DIS3L2: variants seen among roughly 807,000 people sequenced by gnomAD.
The protein encoded by DIS3L2 is DIS3 like 3'-5' exoribonuclease 2.
Under a neutral mutation model 97.5 loss-of-function variants are expected in DIS3L2, and 34 were observed. That is an observed-to-expected ratio of 0.35 (90% CI 0.27 to 0.46). The LOEUF is 0.46. Among genes scored for constraint, DIS3L2 ranks in the 20% least tolerant of loss-of-function variants. The pLI is 1.00. For missense variants in DIS3L2, 1,038 were observed against 1,146.0 expected (o/e 0.91, Z 1.36); for synonymous variants, 435 against 445.2 (o/e 0.98, Z 0.29).
chr2:232,077,383 G>C (rs1204821842), intron 5 of DIS3L2, among the ~76,000 whole-genome samples: 1 of 151,408 alleles, frequency 6.6e-6, no homozygotes, highest in African/African-American at 2.4e-5. Flanking sequence ...ACAAGTTTCT[G>C]TGTGTGTGTG....
rs1019948884 is a variant in DIS3L2 at position 231,989,725 on chromosome 2, A to G, written c.-93-25110A>G. Among the ~76,000 whole-genome samples the G allele has an allele frequency of 2.6e-5, 4 of 152,148 alleles. No homozygotes were observed. The South Asian group carries it at 8.3e-4, about 32-fold the overall frequency. ...GTGGTATACGCCTATAGTCCCAGCT[A>G]CTCGGGAGCTGAAGTGGGAGGATTA... On this transcript the variant is annotated intron_variant, in intron 1 of 20. Coordinates refer to ENST00000325385, the MANE Select transcript of DIS3L2 (RefSeq NM_152383.5).
At chr2:232,299,214 C>A (rs76585807) in intron 13 of DIS3L2, among the ~76,000 whole-genome samples, 5,039 of 152,342 alleles carry the variant, frequency 0.033, 131 homozygotes, top group African/African-American at 0.072. Context: ...TCCCAGCCCC[C>A]CTGGCCGCTC....
At chr2:232,307,017 C>T (rs916688282) in intron 14 of DIS3L2, among the ~76,000 whole-genome samples, 1 of 152,258 alleles carries the variant, frequency 6.6e-6, no homozygotes, top group African/African-American at 2.4e-5. Flanking sequence ...CTAGGTATTT[C>T]TCCTCTGGGA....
At chr2:232,143,966 C>T (rs937560608) in intron 8 of DIS3L2, among the ~76,000 whole-genome samples, 4 of 151,700 alleles carry the variant, frequency 2.6e-5, no homozygotes, top group Non-Finnish European at 4.4e-5. Flanking sequence ...TACAAAATAC[C>T]GTGTTATATA....
chr2:232,019,557 CTT>C (rs11301026), intron 3 of DIS3L2, among the ~76,000 whole-genome samples: 379 of 139,682 alleles, frequency 2.7e-3, no homozygotes, highest in Admixed American at 3.5e-3. Context: ...GTCTCTCTCT[CTT>C]TTTTTTTTTT....
At chr2:232,142,501 C>T (rs1690089113) in intron 8 of DIS3L2, among the ~76,000 whole-genome samples, 1 of 152,104 alleles carries the variant, frequency 6.6e-6, no homozygotes, top group African/African-American at 2.4e-5. Flanking sequence ...CTTAGATAAC[C>T]ATCAACCTCC....
At chr2:232,197,075 G>A (rs1413232447) in intron 9 of DIS3L2, among the ~76,000 whole-genome samples, 1 of 152,094 alleles carries the variant, frequency 6.6e-6, no homozygotes. Context: ...TTCAACAGCA[G>A]GTTCTGAATT....
intron 12 of DIS3L2, among the ~76,000 whole-genome samples, chr2:232,262,187 A>G (rs1007125089): frequency 3.9e-4 from 58 of 150,392 alleles, no homozygotes; most frequent in Admixed American, 3.5e-3. Context: ...AAGCAGCCCC[A>G]CCTCCCCCAA....
At chr2:232,102,083 A>G (rs1039217459) in intron 6 of DIS3L2, among the ~76,000 whole-genome samples, 3 of 152,206 alleles carry the variant, frequency 2.0e-5, no homozygotes, top group Admixed American at 2.0e-4. Flanking sequence ...GACATTTTGT[A>G]CCTTCTGATG....
intron 5 of DIS3L2, among the ~76,000 whole-genome samples, chr2:232,060,353 G>A (rs956865529): frequency 6.6e-6 from 1 of 152,042 alleles, no homozygotes; most frequent in Non-Finnish European, 1.5e-5. Context: ...TCTTTTAGTA[G>A]TTTAATAGTT....
In DIS3L2 at chr2:232,330,672, T is replaced by C; in HGVS notation, c.1924-18T>C. The C allele has an allele frequency of 3.7e-6, 6 of 1,613,922 alleles. No homozygotes were observed. Among genetic ancestry groups the C allele is most frequent in the Non-Finnish European group, 5.1e-6 (6 of 1,179,930 alleles). On this transcript the variant is annotated intron_variant, in intron 15 of 20. Coordinates refer to ENST00000325385, the MANE Select transcript of DIS3L2 (RefSeq NM_152383.5). ...AGCTGGACCACACGTCACATAGGTT[T>C]CTGGGATTTGCTTCTAGAAAAGCCT...
At chr2:232,105,919 T>C (rs1425698881) in intron 6 of DIS3L2, among the ~76,000 whole-genome samples, 1 of 152,186 alleles carries the variant, frequency 6.6e-6, no homozygotes, top group Non-Finnish European at 1.5e-5. Flanking sequence ...TGTTCCTGAC[T>C]CTCTTGCTTG....
At chr2:232,148,980 A>T (rs1314608217) in intron 8 of DIS3L2, among the ~76,000 whole-genome samples, 1 of 148,504 alleles carries the variant, frequency 6.7e-6, no homozygotes, top group African/African-American at 2.5e-5. Flanking sequence ...CACTTAAAAT[A>T]AAACTTCTCC....
chr2:232,302,908 G>GATTAATTATTAATTGTTA (rs1440833544), intron 14 of DIS3L2, among the ~76,000 whole-genome samples: 2 of 152,002 alleles, frequency 1.3e-5, no homozygotes, highest in Non-Finnish European at 2.9e-5. Context: ...TTAATAGTAG[G>GATTAATTATTAATTGTTA]ATTAATTATT....
exon 14 of DIS3L2, chr2:232,343,473 A>G: frequency 2.6e-6 from 4 of 1,555,870 alleles, no homozygotes; most frequent in Non-Finnish European, 3.5e-6. Flanking sequence ...ACAGGGATCC[A>G]GACACACGAC....
chr2:232,192,352 C>T (rs1691637644), intron 9 of DIS3L2, among the ~76,000 whole-genome samples: 1 of 152,168 alleles, frequency 6.6e-6, no homozygotes. Flanking sequence ...GACTTGATTT[C>T]AGGTCTGCAG....
At chr2:232,176,861 T>A (rs1252044524) in intron 9 of DIS3L2, among the ~76,000 whole-genome samples, 3 of 149,942 alleles carry the variant, frequency 2.0e-5, no homozygotes, top group Non-Finnish European at 4.5e-5. Flanking sequence ...TTGTGCAGGT[T>A]AGTTACATAT....
chr2:232,301,812 T>C (rs1285422534), intron 14 of DIS3L2, among the ~76,000 whole-genome samples: 2 of 151,132 alleles, frequency 1.3e-5, no homozygotes, highest in East Asian at 3.9e-4. Flanking sequence ...TCTTTGACTG[T>C]GAGAAGAGAA....
chr2:232,100,158 G>A (rs1018656062), intron 6 of DIS3L2, among the ~76,000 whole-genome samples: 1 of 151,242 alleles, frequency 6.6e-6, no homozygotes, highest in Non-Finnish European at 1.5e-5. Context: ...TGACTAGCTG[G>A]GATTACAGGT....
Sources: gnomAD v4.1 joint callset for allele counts (sites outside exome capture counted in the v4.1 genomes callset) on GRCh38, gnomAD v4.1.1 for gene constraint, MANE v1.5 for transcripts, NCBI Gene and HGNC (gene_info 2026-07-23, HGNC 2026-07-21) for gene names.